UNC5C: variants seen among roughly 807,000 people sequenced by gnomAD.
UNC5C encodes the protein netrin receptor UNC5C.
Under a neutral mutation model 99.8 loss-of-function variants are expected in UNC5C, and 47 were observed. The observed-to-expected ratio is 0.47, with a 90% CI of 0.37 to 0.60. The LOEUF is 0.60. UNC5C is among the 20% of genes least tolerant of loss of function. The probability of loss-of-function intolerance (pLI) is 0.00; values close to 1 mark genes in which losing one functional copy is unlikely to be tolerated. For missense variants in UNC5C, 1,062 were observed against 1,165.9 expected, an observed-to-expected ratio of 0.91 and a Z score of 1.30; for synonymous variants, 487 against 452.2, an observed-to-expected ratio of 1.08 and a Z score of -0.98.
At chr4:95,488,143 C>A (rs1721377708) in intron 1 of UNC5C, among the ~76,000 whole-genome samples, 1 of 151,604 alleles carries the variant, frequency 6.6e-6, no homozygotes, top group Non-Finnish European at 1.5e-5. Context: ...CAGTCTCTAT[C>A]CTGGAAATAT....
chr4:95,487,258 C>A (rs1387745954), intron 1 of UNC5C, among the ~76,000 whole-genome samples: 1 of 151,732 alleles, frequency 6.6e-6, no homozygotes, highest in Non-Finnish European at 1.5e-5. Context: ...TTGTAGCTCA[C>A]AATGAACAGT....
chr4:95,260,240 CA>C (rs1331098344), intron 4 of UNC5C, among the ~76,000 whole-genome samples: 1 of 152,052 alleles, frequency 6.6e-6, no homozygotes, highest in African/African-American at 2.4e-5. Flanking sequence ...CAAAACGAAA[CA>C]AAAAAACCCC....
chr4:95,545,144 A>G (rs1723024495), intron 1 of UNC5C, among the ~76,000 whole-genome samples: 1 of 152,192 alleles, frequency 6.6e-6, no homozygotes, highest in African/African-American at 2.4e-5. Flanking sequence ...TAGGACAACC[A>G]GCTCCAAACT....
In UNC5C at chr4:95,457,930, G is replaced by T. The variant is rs182911194; in HGVS notation, c.124+90804C>A. Among the ~76,000 whole-genome samples the T allele has an allele frequency of 1.3e-3, 195 of 152,196 alleles. 1 individual carries two copies. Among genetic ancestry groups the T allele is most frequent in the Non-Finnish European group, 2.8e-4 (19 of 68,006 alleles). On this transcript the variant is annotated intron_variant, in intron 1 of 15. Coordinates refer to ENST00000453304, the MANE Select transcript of UNC5C (RefSeq NM_003728.4). Reference sequence around the variant, plus strand: ...TTTTAGCCTGAGGAGATTGGACAGAGAACTCTGCTAACCCATTCTGTTCTA... The same window carrying T: ...TTTTAGCCTGAGGAGATTGGACAGATAACTCTGCTAACCCATTCTGTTCTA...
At chr4:95,269,711 ATTTTT>A (rs761307320) in intron 4 of UNC5C, among the ~76,000 whole-genome samples, 1 of 144,136 alleles carries the variant, frequency 6.9e-6, no homozygotes, top group African/African-American at 2.5e-5. Context: ...GGCCTTGACA[ATTTTT>A]TTTTTTTTTA....
intron 2 of UNC5C, among the ~76,000 whole-genome samples, chr4:95,307,181 T>C (rs1392398781): frequency 6.6e-6 from 1 of 152,046 alleles, no homozygotes; most frequent in Non-Finnish European, 1.5e-5. Context: ...CACTTAACAA[T>C]CTTTAACTAC....
At chr4:95,290,298 C>T (rs958029583) in intron 3 of UNC5C, among the ~76,000 whole-genome samples, 2 of 151,284 alleles carry the variant, frequency 1.3e-5, no homozygotes, top group Non-Finnish European at 2.9e-5. Context: ...CAAGCAAGAC[C>T]CTGTCTCTGA....
chr4:95,243,605 A>G (rs949537627), intron 6 of UNC5C, among the ~76,000 whole-genome samples: 2 of 152,216 alleles, frequency 1.3e-5, no homozygotes, highest in African/African-American at 2.4e-5. Context: ...AGTAAAAATT[A>G]TATCATTTTA....
intron 10 of UNC5C, among the ~76,000 whole-genome samples, chr4:95,207,631 AACG>A (rs1413393997): frequency 6.6e-6 from 1 of 152,140 alleles, no homozygotes; most frequent in Non-Finnish European, 1.5e-5. Flanking sequence ...ATGCCCTCTC[AACG>A]ACAACAGTCA....
chr4:95,360,955 G>A (rs1744372131), intron 1 of UNC5C, among the ~76,000 whole-genome samples: 1 of 152,186 alleles, frequency 6.6e-6, no homozygotes, highest in Non-Finnish European at 1.5e-5. Flanking sequence ...AGTATATGCG[G>A]TTATTTTTTA....
chr4:95,347,934 C>T (rs2149427461), intron 1 of UNC5C, among the ~76,000 whole-genome samples: 1 of 152,164 alleles, frequency 6.6e-6, no homozygotes, highest in East Asian at 1.9e-4. Context: ...TGAAAAGCTT[C>T]TGCACAGCAA....
At chr4:95,544,877 T>C (rs2149497466) in intron 1 of UNC5C, among the ~76,000 whole-genome samples, 1 of 152,338 alleles carries the variant, frequency 6.6e-6, no homozygotes, top group East Asian at 1.9e-4. Flanking sequence ...AATTTTAATG[T>C]TTCTTCTGAG....
chr4:95,249,320 C>T (rs536086135), intron 5 of UNC5C, among the ~76,000 whole-genome samples: 22 of 152,182 alleles, frequency 1.4e-4, no homozygotes, highest in Non-Finnish European at 2.4e-4. Context: ...GGGTCTCCCC[C>T]TCCTTCAGTC....
intron 1 of UNC5C, among the ~76,000 whole-genome samples, chr4:95,458,336 A>G (rs912458490): frequency 3.9e-5 from 6 of 152,110 alleles, no homozygotes; most frequent in African/African-American, 1.2e-4. Context: ...ATCTATTAAT[A>G]GAATTTTGCT....
chr4:95,405,542 G>A (rs749057485), intron 1 of UNC5C, among the ~76,000 whole-genome samples: 2 of 152,074 alleles, frequency 1.3e-5, no homozygotes, highest in Admixed American at 6.5e-5. Flanking sequence ...TAGTTGCTGC[G>A]AACCCAAAAC....
intron 4 of UNC5C, among the ~76,000 whole-genome samples, chr4:95,267,067 A>T (rs986687673): frequency 6.6e-6 from 1 of 152,224 alleles, no homozygotes; most frequent in Non-Finnish European, 1.5e-5. Context: ...TCCAAACAAT[A>T]CTTATTTCCA....
chr4:95,337,078 C>G (rs1743380018), intron 1 of UNC5C, among the ~76,000 whole-genome samples: 1 of 151,818 alleles, frequency 6.6e-6, no homozygotes, highest in Non-Finnish European at 1.5e-5. Flanking sequence ...AAGGTCTTAA[C>G]CAATTTTTTT....
chr4:95,202,508 A>G (rs1256095621), intron 12 of UNC5C, among the ~76,000 whole-genome samples: 2 of 152,268 alleles, frequency 1.3e-5, no homozygotes, highest in African/African-American at 2.4e-5. Flanking sequence ...GAAATCAAGG[A>G]AGGTAAACAA....
At chr4:95,277,628 G>T (rs569793220) in intron 4 of UNC5C, among the ~76,000 whole-genome samples, 2 of 152,254 alleles carry the variant, frequency 1.3e-5, no homozygotes, top group Admixed American at 1.3e-4. Context: ...ATTGTGTGTT[G>T]CTAATGAAAA....
Sources: gnomAD v4.1 joint callset for allele counts (sites outside exome capture counted in the v4.1 genomes callset) on GRCh38, gnomAD v4.1.1 for gene constraint, MANE v1.5 for transcripts, NCBI Gene and HGNC (gene_info 2026-07-23, HGNC 2026-07-21) for gene names.